The following GRB10 variants were observed in gnomAD, a reference collection of about 807,000 sequenced individuals.
GRB10 encodes growth factor receptor-bound protein 10.
A neutral mutation model predicts 80.9 loss-of-function variants in GRB10; 20 were observed. The ratio of observed to expected loss-of-function variants is 0.25; its 90% CI spans 0.17 to 0.36. The LOEUF (loss-of-function observed/expected upper bound fraction) is 0.36. Ranked by LOEUF, GRB10 falls within the 10% of genes least tolerant of loss-of-function variation. The probability of loss-of-function intolerance (pLI) is 1.00; values close to 1 mark genes in which losing one functional copy is unlikely to be tolerated. For missense variants in GRB10, 548 were observed against 747.7 expected (o/e 0.73, Z 3.12); for synonymous variants, 291 against 291.5 (o/e 1.00, Z 0.02).
At chr7:50,675,762 G>A (rs1166421526) in intron 5 of GRB10, among the ~76,000 whole-genome samples, 2 of 148,640 alleles carry the variant, frequency 1.3e-5, no homozygotes, top group Non-Finnish European at 3.0e-5. Context: ...TAATGGGTCT[G>A]TTTCTCCAGA....
At position 50,726,858 on chromosome 7, in the gene GRB10, C is replaced by G. The variant is rs182296460; in HGVS notation, c.51+5414G>C. ...TTTGGCATTTGGACAAAAACTTGTT[C>G]TCCTCAGTCTCACCAACATTAAACA... On this transcript the variant is annotated intron_variant, in intron 4 of 18. Transcript: ENST00000401949. The G allele has an allele frequency of 2.0e-4, 30 of 152,266 alleles. 1 individual carries two copies. The highest frequency in any genetic ancestry group is 2.0e-3 in the Admixed American group (30 of 15,298). 9.4% of individuals were successfully genotyped at this position (152,266 alleles called of 1,614,324 possible). A position where few individuals can be genotyped will look rare whatever the true frequency, so the allele number is the denominator to read the frequency against.
At chr7:50,694,474 CA>C (rs2063204323) in intron 5 of GRB10, among the ~76,000 whole-genome samples, 1 of 152,188 alleles carries the variant, frequency 6.6e-6, no homozygotes, top group Non-Finnish European at 1.5e-5. Flanking sequence ...GGCTCTCTGC[CA>C]AACTCTCATA....
intron 7 of GRB10, among the ~76,000 whole-genome samples, chr7:50,638,000 T>C (rs2055400176): frequency 6.6e-6 from 1 of 152,214 alleles, no homozygotes; most frequent in African/African-American, 2.4e-5. Context: ...GCTATCTCTA[T>C]GAACATCTCT....
chr7:50,778,514 C>T (rs2077938941), intron 2 of GRB10, among the ~76,000 whole-genome samples: 2 of 152,130 alleles, frequency 1.3e-5, no homozygotes, highest in South Asian at 2.1e-4. Context: ...CAAAAGGTGG[C>T]ATTAAGTAGA....
At chr7:50,593,515 G>A (rs1252719171) in intron 18 of GRB10, among the ~76,000 whole-genome samples, 1 of 152,054 alleles carries the variant, frequency 6.6e-6, no homozygotes, top group East Asian at 1.9e-4. Context: ...CAACTCCTGA[G>A]GCCCCAGGGG....
chr7:50,745,050 T>A lies in GRB10; in HGVS notation c.-47+10837A>T, dbSNP rs142673505. ...CTTCTACATATATTTTATGCATTCA[T>A]GACATAGCCTTTTCTTAATTTTTTT... On this transcript the variant is annotated intron_variant, in intron 3 of 18. Coordinates refer to ENST00000401949, the MANE Select transcript of GRB10 (RefSeq NM_001350814.2). 9.8e-5 allele frequency among the ~76,000 whole-genome samples: 15 copies of A among 152,356 alleles called. No individual in the cohort carries two copies. The East Asian group carries it at 2.9e-3, about 29-fold the overall frequency.
intron 7 of GRB10, among the ~76,000 whole-genome samples, chr7:50,660,241 TGCGGTGCC>T (rs1022784393): frequency 1.3e-5 from 2 of 152,022 alleles, no homozygotes; most frequent in African/African-American, 4.8e-5. Flanking sequence ...GAGGCGCAAC[TGCGGTGCC>T]GCATTCAAAT....
rs138960883 is a variant in GRB10, at chr7:50,724,541, G to T, written c.51+7731C>A. ...AAGTCAACATTGTGCTACAATGAGG[G>T]ATGGGAGGATGGGTCCTGAAGGGAG... On this transcript the variant is annotated intron_variant, in intron 4 of 18. Transcript: ENST00000401949. Among the ~76,000 whole-genome samples the T allele has an allele frequency of 1.8e-4, 27 of 152,318 alleles. No homozygotes were observed. In the East Asian group the frequency reaches 5.2e-3, roughly 29 times the overall value.
chr7:50,664,881 A>G (rs916147842), intron 7 of GRB10, among the ~76,000 whole-genome samples: 1 of 152,268 alleles, frequency 6.6e-6, no homozygotes, highest in African/African-American at 2.4e-5. Context: ...TACCACAAAT[A>G]TCCAGTTTCC....
At chr7:50,749,129 T>TG (rs2073644568) in intron 3 of GRB10, among the ~76,000 whole-genome samples, 1 of 75,012 alleles carries the variant, frequency 1.3e-5, no homozygotes, top group South Asian at 5.3e-4. Flanking sequence ...TTTGTTTTTT[T>TG]GTTTGTTTTT....
At chr7:50,671,681 C>T (rs77676387) in intron 6 of GRB10, among the ~76,000 whole-genome samples, 1,733 of 152,348 alleles carry the variant, frequency 0.011, 31 homozygotes, top group African/African-American at 0.039. Flanking sequence ...ATGGATAAAA[C>T]GGGTGGCCAG....
chr7:50,769,703 CAA>C (rs2076775974), intron 2 of GRB10, among the ~76,000 whole-genome samples: 1 of 152,104 alleles, frequency 6.6e-6, no homozygotes, highest in African/African-American at 2.4e-5. Context: ...TGTGTGTACT[CAA>C]AGACTGTCAG....
Position 50,686,216 on chromosome 7 carries a change from T to C in GRB10, c.140-11558A>G, listed in dbSNP as rs564393220. 2.0e-5 allele frequency among the ~76,000 whole-genome samples: 3 copies of C among 152,224 alleles called. No individual in the cohort carries two copies. The East Asian group carries it at 5.8e-4, about 29-fold the overall frequency. On this transcript the variant is annotated intron_variant, in intron 5 of 18. Coordinates refer to ENST00000401949, the MANE Select transcript of GRB10 (RefSeq NM_001350814.2). Reference sequence around the variant, plus strand: ...GGTAGAACCCAAATGATGGAATTCGTGCCCTTATAAAGCCCTGGAGAGACC... The same window carrying C: ...GGTAGAACCCAAATGATGGAATTCGCGCCCTTATAAAGCCCTGGAGAGACC...
chr7:50,773,797 C>T (rs2077280283), intron 2 of GRB10, among the ~76,000 whole-genome samples: 2 of 152,172 alleles, frequency 1.3e-5, no homozygotes, highest in African/African-American at 4.8e-5. Flanking sequence ...ACATAAATGT[C>T]CATCAACAGT....
At chr7:50,612,438 A>T (rs1331893173) in intron 13 of GRB10, among the ~76,000 whole-genome samples, 1 of 152,208 alleles carries the variant, frequency 6.6e-6, no homozygotes, top group East Asian at 1.9e-4. Context: ...GGTATGCCAC[A>T]CATCTAAGTG....
At chr7:50,748,719 CT>C (rs1040313973) in intron 3 of GRB10, among the ~76,000 whole-genome samples, 2 of 152,198 alleles carry the variant, frequency 1.3e-5, no homozygotes, top group Admixed American at 1.3e-4. Flanking sequence ...GGACCGAGGC[CT>C]TTGGACCCCA....
At chr7:50,692,475 T>C (rs2062939810) in intron 5 of GRB10, among the ~76,000 whole-genome samples, 1 of 152,116 alleles carries the variant, frequency 6.6e-6, no homozygotes, top group African/African-American at 2.4e-5. Flanking sequence ...CTGCTGCCGA[T>C]ATCTCATGAA....
intron 1 of GRB10, among the ~76,000 whole-genome samples, chr7:50,790,777 A>G (rs868728842): frequency 1.8e-4 from 27 of 152,380 alleles, no homozygotes; most frequent in African/African-American, 5.5e-4. Context: ...TACCAGATAA[A>G]CCAATCAAGA....
rs150878462 is a variant in GRB10, at chr7:50,767,636, G to A, written c.-216-11580C>T. 8.5e-3 allele frequency among the ~76,000 whole-genome samples: 1,291 copies of A among 152,230 alleles called. 20 individuals are homozygous for A. The highest frequency in any genetic ancestry group is 0.029 in the African/African-American group (1,219 of 41,516). On this transcript the variant is annotated intron_variant, in intron 2 of 18. Coordinates refer to ENST00000401949, the MANE Select transcript of GRB10 (RefSeq NM_001350814.2). ...CCTCCATACCTACAAGAGTCCCTGC[G>A]GCTCCTGGCCAGCAGGGGGTACATT...
Sources: allele counts gnomAD v4.1 joint callset (sites outside exome capture counted in the v4.1 genomes callset), GRCh38; gene constraint gnomAD v4.1.1; transcripts MANE v1.5; gene names NCBI Gene and HGNC (gene_info 2026-07-23, HGNC 2026-07-21).